The following PLGRKT variants were observed in gnomAD, a reference collection of about 807,000 sequenced individuals.
PLGRKT encodes the protein plasminogen receptor (KT).
A neutral mutation model predicts 18.5 loss-of-function variants in PLGRKT; 22 were observed. The ratio of observed to expected loss-of-function variants is 1.19; its 90% CI spans 0.85 to 1.70. The LOEUF (loss-of-function observed/expected upper bound fraction) is 1.70, where lower values mean the gene tolerates loss of function less well. PLGRKT is among the 40% of genes most tolerant of loss of function. PLGRKT has a pLI of 0.00. For missense variants in PLGRKT, 235 were observed against 174.4 expected, an observed-to-expected ratio of 1.35 and a Z score of -1.96; for synonymous variants, 72 against 52.8, an observed-to-expected ratio of 1.36 and a Z score of -1.58.
At chr9:5,428,102 G>T (rs1237116756) in intron 3 of PLGRKT, among the ~76,000 whole-genome samples, 1 of 152,190 alleles carries the variant, frequency 6.6e-6, no homozygotes, top group Non-Finnish European at 1.5e-5. Flanking sequence ...GATGGCTGCT[G>T]AATCTAGGGG....
chr9:5,362,011 A>G lies in PLGRKT; in HGVS notation c.82-123T>C. On this transcript the variant is annotated intron_variant, in intron 3 of 5. Transcript: ENST00000223864. ...CTTTAATTCATGTTTTTTCAAAAAAATCTCAACAGACTTTGACTAAAGTTC... is the reference window on the plus strand; with the variant it reads ...CTTTAATTCATGTTTTTTCAAAAAAGTCTCAACAGACTTTGACTAAAGTTC... 3.2e-6 allele frequency: 3 copies of G among 946,682 alleles called. No homozygotes were observed. The South Asian group carries it at 4.6e-5, about 14-fold the overall frequency. The allele number at this position is 946,682 out of a possible 1,614,324, so 58.6% of individuals were successfully genotyped here. A position where few individuals can be genotyped will look rare whatever the true frequency, so the allele number is the denominator to read the frequency against.
chr9:5,410,995 C>A (rs987417287), intron 3 of PLGRKT, among the ~76,000 whole-genome samples: 1 of 152,078 alleles, frequency 6.6e-6, no homozygotes, highest in Non-Finnish European at 1.5e-5. Flanking sequence ...TTTAGCTTAA[C>A]TTACTCTCTG....
chr9:5,379,136 A>T (rs988120588), intron 3 of PLGRKT, among the ~76,000 whole-genome samples: 5 of 152,194 alleles, frequency 3.3e-5, no homozygotes, highest in African/African-American at 1.2e-4. Flanking sequence ...AGAATGGTTG[A>T]ATATATAATC....
rs1022199988 is a variant in PLGRKT at position 5,411,297 on chromosome 9, A to G, written c.81+20600T>C. On this transcript the variant is annotated intron_variant, in intron 3 of 5. Transcript: ENST00000223864. ...CTACTCAGGAGGCTGAGGCAGGAGA[A>G]TCACTTGAACCTGGGAGGCAGAGGT... 5.9e-5 allele frequency among the ~76,000 whole-genome samples: 9 copies of G among 151,834 alleles called. No homozygotes were observed. The South Asian group carries it at 1.7e-3, about 28-fold the overall frequency.
At chr9:5,416,836 G>A (rs1031867925) in intron 3 of PLGRKT, among the ~76,000 whole-genome samples, 1 of 152,320 alleles carries the variant, frequency 6.6e-6, no homozygotes, top group East Asian at 1.9e-4. Flanking sequence ...TACCTTTGTA[G>A]AAAAGTGCCT....
chr9:5,371,033 C>T (rs1485804114), intron 3 of PLGRKT, among the ~76,000 whole-genome samples: 4 of 152,150 alleles, frequency 2.6e-5, no homozygotes, highest in Admixed American at 2.6e-4. Flanking sequence ...GCTGTGGTAA[C>T]AGCATCTTAT....
intron 2 of PLGRKT, among the ~76,000 whole-genome samples, chr9:5,435,020 C>G (rs1818931842): frequency 6.6e-6 from 1 of 151,994 alleles, no homozygotes; most frequent in African/African-American, 2.4e-5. Flanking sequence ...AACCTTACCC[C>G]CAACCCCCTG....
chr9:5,423,356 T>C (rs1008302995), intron 3 of PLGRKT, among the ~76,000 whole-genome samples: 1 of 152,238 alleles, frequency 6.6e-6, no homozygotes, highest in Non-Finnish European at 1.5e-5. Flanking sequence ...CCTCCCAGTA[T>C]GTGTCTGGAA....
chr9:5,375,742 T>C (rs908056786), intron 3 of PLGRKT, among the ~76,000 whole-genome samples: 1 of 152,186 alleles, frequency 6.6e-6, no homozygotes, highest in African/African-American at 2.4e-5. Flanking sequence ...CCCTTTTGCA[T>C]TGCTGGCAGG....
At chr9:5,395,233 C>G (rs1367700112) in intron 3 of PLGRKT, among the ~76,000 whole-genome samples, 2 of 151,842 alleles carry the variant, frequency 1.3e-5, no homozygotes, top group Non-Finnish European at 2.9e-5. Flanking sequence ...AGTTCATGCA[C>G]AAATACATTA....
chr9:5,417,792 T>G lies in PLGRKT; in HGVS notation c.81+14105A>C, dbSNP rs189425281. Among the ~76,000 whole-genome samples, 1,148 of 151,108 alleles carry G rather than the reference T, an allele frequency of 7.6e-3. 5 individuals carry two copies. Among genetic ancestry groups the G allele is most frequent in the South Asian group, 0.023 (106 of 4,672 alleles). ...AACACAACACATTGGAGACAGTTGTTAAAATATTTTCTCAAAAAAAAACGA... is the reference window on the plus strand; with the variant it reads ...AACACAACACATTGGAGACAGTTGTGAAAATATTTTCTCAAAAAAAAACGA... On this transcript the variant is annotated intron_variant, in intron 3 of 5. Coordinates refer to ENST00000223864, the MANE Select transcript of PLGRKT (RefSeq NM_018465.4).
Position 5,397,899 on chromosome 9 carries a change from T to C in PLGRKT, c.81+33998A>G, listed in dbSNP as rs142971135. On this transcript the variant is annotated intron_variant, in intron 3 of 5. Transcript: ENST00000223864. ...AGGCAGCCCTGAGAACGATGGTCAC[T>C]TTCTTCTCCTCCTTATTTCCTTTTA... Among the ~76,000 whole-genome samples, 844 of 152,042 alleles carry C rather than the reference T, an allele frequency of 5.6e-3. 25 individuals carry two copies. The highest frequency in any genetic ancestry group is 0.019 in the African/African-American group (793 of 41,310).
chr9:5,374,865 T>C (rs571953924), intron 3 of PLGRKT, among the ~76,000 whole-genome samples: 1 of 152,326 alleles, frequency 6.6e-6, no homozygotes, highest in South Asian at 2.1e-4. Context: ...GAAAATACCA[T>C]TAATTCCTCA....
At chr9:5,427,793 T>C (rs932120350) in intron 3 of PLGRKT, among the ~76,000 whole-genome samples, 2 of 152,214 alleles carry the variant, frequency 1.3e-5, no homozygotes, top group Non-Finnish European at 2.9e-5. Flanking sequence ...TTTGACTTTC[T>C]GGAAAAGGAG....
intron 3 of PLGRKT, chr9:5,392,668 T>A (rs1202409332): frequency 6.6e-6 from 1 of 151,856 alleles, no homozygotes; most frequent in East Asian, 1.9e-4. Flanking sequence ...AAGAAATAAA[T>A]AATTAGATCT....
intron 3 of PLGRKT, among the ~76,000 whole-genome samples, chr9:5,420,267 G>C (rs757173493): frequency 2.6e-5 from 4 of 152,174 alleles, no homozygotes; most frequent in Non-Finnish European, 5.9e-5. Flanking sequence ...GGAAGTGACT[G>C]GTTAACAATT....
rs189591136 is a variant in PLGRKT, at chr9:5,376,515, C to T, written c.82-14627G>A. Among the ~76,000 whole-genome samples the T allele has an allele frequency of 4.8e-3, 735 of 152,248 alleles. 9 individuals are homozygous for T. Among genetic ancestry groups the T allele is most frequent in the African/African-American group, 0.017 (708 of 41,520 alleles). On this transcript the variant is annotated intron_variant, in intron 3 of 5. Coordinates refer to ENST00000223864, the MANE Select transcript of PLGRKT (RefSeq NM_018465.4). ...AATGGCATATAAAAGTAGTACAACCCTATGGCTGAATTTGGAAACAACAAC... is the reference window on the plus strand; with the variant it reads ...AATGGCATATAAAAGTAGTACAACCTTATGGCTGAATTTGGAAACAACAAC...
chr9:5,415,605 G>C (rs556927730), intron 3 of PLGRKT, among the ~76,000 whole-genome samples: 1 of 152,226 alleles, frequency 6.6e-6, no homozygotes. Context: ...CCTTAACCAA[G>C]TGATCAAGGT....
intron 3 of PLGRKT, among the ~76,000 whole-genome samples, chr9:5,424,757 C>CGTTGCCCG (rs1563790166): frequency 7.0e-6 from 1 of 143,838 alleles, no homozygotes; most frequent in African/African-American, 2.6e-5. Context: ...AGTTTTGTCA[C>CGTTGCCCG]GTTGCCCGGG....
Sources: allele counts gnomAD v4.1 joint callset (sites outside exome capture counted in the v4.1 genomes callset), GRCh38; gene constraint gnomAD v4.1.1; transcripts MANE v1.5; gene names NCBI Gene and HGNC (gene_info 2026-07-23, HGNC 2026-07-21).